The following PCDH9 variants were observed in gnomAD, a reference collection of about 807,000 sequenced individuals.
PCDH9 encodes protocadherin-9.
A neutral mutation model predicts 70.6 loss-of-function variants in PCDH9; 24 were observed. The observed-to-expected ratio is 0.34, with a 90% CI of 0.25 to 0.48. PCDH9 has a LOEUF of 0.48. Ranked by LOEUF, PCDH9 falls within the 20% of genes least tolerant of loss-of-function variation. The probability of loss-of-function intolerance (pLI) is 0.99; values close to 1 mark genes in which losing one functional copy is unlikely to be tolerated. For missense variants in PCDH9, 1,281 were observed against 1,503.6 expected, an observed-to-expected ratio of 0.85 and a Z score of 2.45; for synonymous variants, 562 against 558.5, an observed-to-expected ratio of 1.01 and a Z score of -0.09.
chr13:66,585,984 A>T (rs1315680012), intron 4 of PCDH9, among the ~76,000 whole-genome samples: 1 of 152,214 alleles, frequency 6.6e-6, no homozygotes, highest in East Asian at 1.9e-4. Context: ...TTAGCACATT[A>T]TATCTCTGTG....
intron 4 of PCDH9, among the ~76,000 whole-genome samples, chr13:66,500,150 A>G (rs916514892): frequency 3.9e-5 from 6 of 152,234 alleles, no homozygotes; most frequent in Admixed American, 1.3e-4. Context: ...ATATAGCATT[A>G]ATAAATTATT....
intron 3 of PCDH9, among the ~76,000 whole-genome samples, chr13:66,659,804 C>G (rs2077984199): frequency 6.7e-6 from 1 of 149,534 alleles, no homozygotes; most frequent in Non-Finnish European, 1.5e-5. Flanking sequence ...GGGTGTGTGC[C>G]TGTGTGTGTG....
chr13:66,524,279 T>C (rs1381887952), intron 4 of PCDH9, among the ~76,000 whole-genome samples: 1 of 151,984 alleles, frequency 6.6e-6, no homozygotes, highest in African/African-American at 2.4e-5. Context: ...TGATATGAAT[T>C]CTGTTTGTAT....
chr13:66,940,489 C>G (rs2082990024), intron 2 of PCDH9, among the ~76,000 whole-genome samples: 1 of 152,062 alleles, frequency 6.6e-6, no homozygotes, highest in East Asian at 1.9e-4. Flanking sequence ...TCTCAAATTT[C>G]TGATTATCTT....
intron 4 of PCDH9, among the ~76,000 whole-genome samples, chr13:66,452,679 T>A (rs1958237729): frequency 6.6e-6 from 1 of 152,086 alleles, no homozygotes; most frequent in Non-Finnish European, 1.5e-5. Flanking sequence ...TGCAATTACT[T>A]TCTCAAAGTA....
chr13:66,641,740 T>C (rs1248623112), intron 3 of PCDH9, among the ~76,000 whole-genome samples: 1 of 152,122 alleles, frequency 6.6e-6, no homozygotes, highest in Non-Finnish European at 1.5e-5. Context: ...GACAGAGAGA[T>C]ATAGGTAGTT....
Position 66,335,850 on chromosome 13 carries a change from G to C in PCDH9, c.3341-30822C>G, listed in dbSNP as rs139037898. On this transcript the variant is annotated intron_variant, in intron 4 of 4. Coordinates refer to ENST00000377865, the MANE Select transcript of PCDH9 (RefSeq NM_203487.3). ...ACATATTAGTATAAAGTACACGGGG[G>C]TGTCTACTGTATTTGAGAGCATGGT... 3.6e-3 allele frequency among the ~76,000 whole-genome samples: 553 copies of C among 152,178 alleles called. 3 individuals are homozygous for C. The highest frequency in any genetic ancestry group is 0.013 in the African/African-American group (529 of 41,528).
intron 4 of PCDH9, among the ~76,000 whole-genome samples, chr13:66,500,927 G>A (rs1399318514): frequency 6.6e-6 from 1 of 151,704 alleles, no homozygotes; most frequent in Non-Finnish European, 1.5e-5. Flanking sequence ...TTTTTATTTG[G>A]GTGAGATTAA....
At chr13:66,756,007 G>A (rs2079533683) in intron 3 of PCDH9, among the ~76,000 whole-genome samples, 1 of 152,058 alleles carries the variant, frequency 6.6e-6, no homozygotes, top group Admixed American at 6.6e-5. Context: ...CCCAGTAATT[G>A]TGGTCAAATA....
intron 4 of PCDH9, among the ~76,000 whole-genome samples, chr13:66,370,915 A>C (rs548869342): frequency 6.6e-6 from 1 of 152,266 alleles, no homozygotes; most frequent in South Asian, 2.1e-4. Flanking sequence ...GAATTTAAGA[A>C]TTAAAGTCAT....
At chr13:67,100,197 T>G (rs2086403312) in intron 2 of PCDH9, among the ~76,000 whole-genome samples, 1 of 152,194 alleles carries the variant, frequency 6.6e-6, no homozygotes, top group South Asian at 2.1e-4. Flanking sequence ...ATTAATTAAT[T>G]AGATTATATG....
rs189006893 is a variant in PCDH9, at chr13:67,038,064, A to G, written c.3037-134459T>C. 2.7e-3 allele frequency among the ~76,000 whole-genome samples: 417 copies of G among 152,324 alleles called. 2 individuals are homozygous for G. The highest frequency in any genetic ancestry group is 5.0e-3 in the Non-Finnish European group (340 of 68,024). ...TGAGGGGCGTGAAGGGAGGAAGACT[A>G]TAACTATTAGAATATGGTTGTTAGA... On this transcript the variant is annotated intron_variant, in intron 2 of 4. Coordinates refer to ENST00000377865, the MANE Select transcript of PCDH9 (RefSeq NM_203487.3).
chr13:66,983,193 C>T (rs757136670), intron 2 of PCDH9, among the ~76,000 whole-genome samples: 45 of 152,046 alleles, frequency 3.0e-4, no homozygotes, highest in Non-Finnish European at 5.7e-4. Flanking sequence ...AAAAAACCTG[C>T]ACGTCCTGCA....
chr13:66,597,608 AC>A (rs1445855885), intron 4 of PCDH9, among the ~76,000 whole-genome samples: 3 of 151,702 alleles, frequency 2.0e-5, no homozygotes, highest in Non-Finnish European at 4.4e-5. Flanking sequence ...CAACAACAAG[AC>A]CCGAAACCAT....
chr13:66,845,267 C>A (rs1298936298), intron 3 of PCDH9, among the ~76,000 whole-genome samples: 1 of 152,216 alleles, frequency 6.6e-6, no homozygotes, highest in Non-Finnish European at 1.5e-5. Flanking sequence ...ACTTCAGCCT[C>A]CCTCCCATGC....
intron 3 of PCDH9, among the ~76,000 whole-genome samples, chr13:66,902,922 T>C (rs549036451): frequency 6.6e-6 from 1 of 151,776 alleles, no homozygotes; most frequent in African/African-American, 2.4e-5. Context: ...AGAACAACTA[T>C]GGATCTTCTA....
intron 4 of PCDH9, among the ~76,000 whole-genome samples, chr13:66,618,609 G>A (rs769870886): frequency 6.6e-6 from 1 of 151,680 alleles, no homozygotes; most frequent in Non-Finnish European, 1.5e-5. Flanking sequence ...TTTATTTTGA[G>A]GTATTTAAAA....
chr13:67,141,984 T>C (rs1398500192), intron 2 of PCDH9, among the ~76,000 whole-genome samples: 26 of 152,166 alleles, frequency 1.7e-4, no homozygotes, highest in Admixed American at 1.7e-3. Context: ...TGAAATTTTA[T>C]ATAAAATTAT....
chr13:67,184,348 G>A (rs2088693931), intron 2 of PCDH9, among the ~76,000 whole-genome samples: 1 of 152,110 alleles, frequency 6.6e-6, no homozygotes, highest in Admixed American at 6.5e-5. Context: ...TGCTAATTCT[G>A]AATCATGTTT....
Sources: allele counts gnomAD v4.1 joint callset (sites outside exome capture counted in the v4.1 genomes callset), GRCh38; gene constraint gnomAD v4.1.1; transcripts MANE v1.5; gene names NCBI Gene and HGNC (gene_info 2026-07-23, HGNC 2026-07-21).